TNFRSF19: variants seen among roughly 807,000 people sequenced by gnomAD.
TNFRSF19 encodes tumor necrosis factor receptor superfamily member 19.
Under a neutral mutation model 46.4 loss-of-function variants are expected in TNFRSF19, and 27 were observed. That is an observed-to-expected ratio of 0.58 (90% CI 0.43 to 0.80). The LOEUF (loss-of-function observed/expected upper bound fraction) is 0.80. Among genes scored for constraint, TNFRSF19 ranks in the 30% least tolerant of loss-of-function variants. TNFRSF19 has a pLI of 0.00. For missense variants in TNFRSF19, 511 were observed against 530.8 expected (o/e 0.96, Z 0.37); for synonymous variants, 204 against 205.0 (o/e 1.00, Z 0.04).
rs1884285204 is a variant in TNFRSF19, at chr13:23,660,408, G to A, written c.654G>A (p.Leu218=). The A allele has an allele frequency of 6.2e-7, 1 of 1,613,856 alleles. No individual in the cohort carries two copies. The highest frequency in any genetic ancestry group is 1.3e-5 in the African/African-American group (1 of 74,916). ...ACATTCAGTACAACGGCTCTGAGCTGTCGTGTTTTGACAGACCTCAGCTCC... is the reference window on the plus strand; with the variant it reads ...ACATTCAGTACAACGGCTCTGAGCTATCGTGTTTTGACAGACCTCAGCTCC... The part of the protein sequence containing the change: ...SQDIQYNGSE[L]SCFDRPQLHE... Residue 218 remains leucine (L), a synonymous_variant, in exon 7 of 10, where the codon CTG becomes CTA. Coordinates refer to ENST00000248484, the MANE Select transcript of TNFRSF19 (RefSeq NM_148957.4).
chr13:23,621,078 GGCTT>G (rs1881620283), intron 4 of TNFRSF19, among the ~76,000 whole-genome samples: 1 of 152,042 alleles, frequency 6.6e-6, no homozygotes, highest in South Asian at 2.1e-4. Context: ...TCACCGCTGG[GGCTT>G]CCGTGATTGA....
rs575359734 is a variant in TNFRSF19, at chr13:23,570,528, A to G, written c.-355A>G. On this transcript the variant is annotated 5_prime_UTR_variant, in exon 1 of 10. Transcript: ENST00000248484. Reference sequence around the variant, plus strand: ...TACCAGCATTGCCTCATTGCAAAAAAGAGGAGGAAAACAACGTGATCCATG... The same window carrying G: ...TACCAGCATTGCCTCATTGCAAAAAGGAGGAGGAAAACAACGTGATCCATG... 3 of 152,406 alleles carry G rather than the reference A, an allele frequency of 2.0e-5. No homozygotes were observed. The East Asian group carries it at 5.8e-4, about 29-fold the overall frequency. 9.4% of individuals were successfully genotyped at this position (152,406 alleles called of 1,614,324 possible). A position where few individuals can be genotyped will look rare whatever the true frequency, so the allele number is the denominator to read the frequency against.
chr13:23,610,711 A>C (rs1163278121), intron 3 of TNFRSF19, among the ~76,000 whole-genome samples: 1 of 152,174 alleles, frequency 6.6e-6, no homozygotes, highest in Non-Finnish European at 1.5e-5. Context: ...CCTGTTAGAT[A>C]CCAGGCTTTT....
rs994846703 is a variant in TNFRSF19 at position 23,587,134 on chromosome 13, A to G, written c.-34-3016A>G. ...AAGTAAATAGAACACTGAAGCATAT[A>G]AAAGCATTTTTCTATCTTTGGGCCA... On this transcript the variant is annotated intron_variant, in intron 1 of 9. Transcript: ENST00000248484. 2.7e-5 allele frequency among the ~76,000 whole-genome samples: 4 copies of G among 149,360 alleles called. No individual in the cohort carries two copies. In the South Asian group the frequency reaches 8.3e-4, roughly 31 times the overall value.
Position 23,673,625 on chromosome 13 carries a change from A to G in TNFRSF19, c.*245A>G. 8 of 1,154,864 alleles carry G rather than the reference A, an allele frequency of 6.9e-6. No homozygotes were observed. Among genetic ancestry groups the G allele is most frequent in the Non-Finnish European group, 8.7e-6 (8 of 920,790 alleles). 71.5% of individuals were successfully genotyped at this position (1,154,864 alleles called of 1,614,324 possible). A position where few individuals can be genotyped will look rare whatever the true frequency, so the allele number is the denominator to read the frequency against. On this transcript the variant is annotated 3_prime_UTR_variant, in exon 10 of 10. Transcript: ENST00000248484. ...ACTCATGATACTCTGCATCTTTCCTACATGAGAAGCTTCTCTGCCACAAAA... is the reference window on the plus strand; with the variant it reads ...ACTCATGATACTCTGCATCTTTCCTGCATGAGAAGCTTCTCTGCCACAAAA...
chr13:23,571,783 A>T (rs1379844304), intron 1 of TNFRSF19, among the ~76,000 whole-genome samples: 1 of 151,968 alleles, frequency 6.6e-6, no homozygotes, highest in African/African-American at 2.4e-5. Flanking sequence ...ACACACACTC[A>T]CGCTCACACA....
intron 3 of TNFRSF19, among the ~76,000 whole-genome samples, chr13:23,599,728 A>G (rs1465123741): frequency 1.3e-5 from 2 of 152,214 alleles, no homozygotes; most frequent in East Asian, 3.8e-4. Flanking sequence ...CAGGTAGCAG[A>G]CTTCAGAGAG....
intron 9 of TNFRSF19, 163 bp downstream of exon 9, chr13:23,669,260 T>C: frequency 1.4e-6 from 2 of 1,409,206 alleles, no homozygotes; most frequent in Non-Finnish European, 1.8e-6. Context: ...TTTCAAGTAT[T>C]TTTTTAAAAA....
rs115547743 is a variant in TNFRSF19, at chr13:23,660,461, A to G, written c.707A>G (p.Gln236Arg). The G allele has an allele frequency of 5.0e-6, 8 of 1,613,588 alleles. No individual in the cohort carries two copies. Among genetic ancestry groups the G allele is most frequent in the Middle Eastern group, 1.8e-4 (1 of 5,602 alleles). Residue 236 changes from glutamine (Q) to arginine (R), a missense_variant, in exon 7 of 10, where the codon CAG becomes CGG. By Grantham distance (43) the Gln-to-Arg change is conservative (BLOSUM62 1). This residue lies in a region of TNFRSF19 where 376 missense variants were observed against 372.7 expected (regional missense o/e 1.01). Transcript: ENST00000248484. Reference protein sequence around the residue: ...LHEYAHRACCQCRRDSVQTCG... With the variant: ...LHEYAHRACCRCRRDSVQTCG... ...GAATATGCCCACAGAGCCTGCTGCC[A>G]GTGCCGCCGTGACTCAGTGCAGACC... is the stretch of plus-strand genomic sequence containing the variant.
intron 1 of TNFRSF19, among the ~76,000 whole-genome samples, chr13:23,579,798 C>T (rs777615969): frequency 2.4e-4 from 37 of 152,050 alleles, no homozygotes; most frequent in Non-Finnish European, 4.7e-4. Flanking sequence ...GCGAGCGACG[C>T]GACCTGGACT....
At chr13:23,660,573 C>T (rs1341155389) in intron 7 of TNFRSF19, 83 bp downstream of exon 7, 4 of 1,482,672 alleles carry the variant, frequency 2.7e-6, no homozygotes, top group Admixed American at 2.2e-5. Context: ...GGTTTATTCA[C>T]CTCACAGCGA....
At chr13:23,586,297 T>C (rs1878834753) in intron 1 of TNFRSF19, among the ~76,000 whole-genome samples, 1 of 148,426 alleles carries the variant, frequency 6.7e-6, no homozygotes, top group Non-Finnish European at 1.5e-5. Context: ...GCTGACCAGA[T>C]GCAACAAAAA....
Position 23,626,688 on chromosome 13 carries a change from AT to A in TNFRSF19, c.360-15del. On this transcript the variant is annotated intron_variant, in intron 4 of 9. Transcript: ENST00000248484. ...TTAGATGAAAGAGTTAACAAGGAGT[AT>A]TTTCCTTTCTCTTCTAGATTTTATA... 1 of 1,612,544 alleles carries A rather than the reference AT, an allele frequency of 6.2e-7. No homozygotes were observed. The highest frequency in any genetic ancestry group is 8.5e-7 in the Non-Finnish European group (1 of 1,178,828).
chr13:23,579,964 G>A (rs996630014), intron 1 of TNFRSF19, among the ~76,000 whole-genome samples: 101 of 152,258 alleles, frequency 6.6e-4, no homozygotes, highest in African/African-American at 2.3e-3. Context: ...CCGCATCCCG[G>A]ACCAGCGCCA....
intron 7 of TNFRSF19, among the ~76,000 whole-genome samples, chr13:23,667,054 G>A (rs1157214342): frequency 6.6e-6 from 1 of 150,678 alleles, no homozygotes; most frequent in East Asian, 1.9e-4. Flanking sequence ...CTTCCTTTGT[G>A]TATGTGTGTG....
chr13:23,669,043 G>GC lies in TNFRSF19; in HGVS notation c.1192dup (p.Leu398ProfsTer42). On this transcript the variant is annotated frameshift_variant, in exon 9 of 10. Coordinates refer to ENST00000248484, the MANE Select transcript of TNFRSF19 (RefSeq NM_148957.4). LOFTEE classifies it high-confidence loss of function. Reference sequence around the variant, plus strand: ...AGGATGCACTAACTATGAGAAGCCAGCTAGATCAGGAGAGTGGTGCTGTCA... The same window carrying GC: ...AGGATGCACTAACTATGAGAAGCCAGCCTAGATCAGGAGAGTGGTGCTGTCA... The GC allele has an allele frequency of 6.2e-7, 1 of 1,614,208 alleles. No individual in the cohort carries two copies. The highest frequency in any genetic ancestry group is 8.5e-7 in the Non-Finnish European group (1 of 1,180,036).
intron 4 of TNFRSF19, among the ~76,000 whole-genome samples, chr13:23,626,085 A>C (rs1224692549): frequency 6.6e-6 from 1 of 152,166 alleles, no homozygotes; most frequent in East Asian, 1.9e-4. Flanking sequence ...GAAGGTATAG[A>C]CAGTACCATA....
At chr13:23,620,935 CAA>C (rs1881607730) in intron 4 of TNFRSF19, among the ~76,000 whole-genome samples, 1 of 152,166 alleles carries the variant, frequency 6.6e-6, no homozygotes, top group Non-Finnish European at 1.5e-5. Flanking sequence ...CCCCTCTTAA[CAA>C]AGAGGGAAAC....
In TNFRSF19 at chr13:23,659,170, G is replaced by T; in HGVS notation, c.566G>T (p.Cys189Phe). Residue 189 changes from cysteine to phenylalanine, a missense_variant, in exon 6 of 10, where the codon TGT (cysteine) becomes TTT (phenylalanine). Physicochemically the swap from Cys to Phe is radical, Grantham distance 205 (BLOSUM62 -2). Coordinates refer to ENST00000248484, the MANE Select transcript of TNFRSF19 (RefSeq NM_148957.4). This position sits in a 1 kb window ranked among gnomAD's most constrained non-coding sequence, Gnocchi z 4.9. ...GTCCTGCTGGCCCTGCTCATCCTCT[G>T]TGTCATCTATTGTAAGAGACAGTTT... Reference protein sequence around the residue: ...ATVLLALLILCVIYCKRQFME... With the variant: ...ATVLLALLILFVIYCKRQFME... 1.2e-6 allele frequency: 2 copies of T among 1,614,120 alleles called. No homozygotes were observed. Among genetic ancestry groups the T allele is most frequent in the Non-Finnish European group, 1.7e-6 (2 of 1,179,998 alleles).
Sources: allele counts gnomAD v4.1 joint callset (sites outside exome capture counted in the v4.1 genomes callset), GRCh38; gene constraint gnomAD v4.1.1; regional missense constraint gnomAD v4.1.1; non-coding constraint Gnocchi (gnomAD v3.1); transcripts MANE v1.5; gene names NCBI Gene and HGNC (gene_info 2026-07-23, HGNC 2026-07-21).